RELN: variants seen among roughly 807,000 people sequenced by gnomAD.
The protein encoded by RELN is reelin.
RELN carries 108 observed loss-of-function variants against 427.6 expected under a neutral mutation model. The ratio of observed to expected loss-of-function variants is 0.25; its 90% CI spans 0.22 to 0.30. The LOEUF (loss-of-function observed/expected upper bound fraction) is 0.30. RELN is among the 10% of genes least tolerant of loss of function. The pLI is 1.00. For synonymous variants in RELN, 1,524 were observed against 1,513.4 expected, an observed-to-expected ratio of 1.01 and a Z score of -0.16; for missense variants, 3,715 against 4,302.8, an observed-to-expected ratio of 0.86 and a Z score of 3.82.
At chr7:103,978,821 T>C (rs4636135) in intron 1 of RELN, among the ~76,000 whole-genome samples, 106,641 of 152,042 alleles carry the variant, frequency 0.7, 37,947 homozygotes, top group African/African-American at 0.82. Flanking sequence ...ACCACTTACA[T>C]TTGAAATAAA....
chr7:103,872,683 G>A (rs909755058), intron 2 of RELN, among the ~76,000 whole-genome samples: 1 of 146,472 alleles, frequency 6.8e-6, no homozygotes, highest in African/African-American at 2.5e-5. Flanking sequence ...CCCACCAACA[G>A]TGTAAAAGTG....
chr7:103,730,044 A>G (rs1790314130), intron 6 of RELN, among the ~76,000 whole-genome samples: 1 of 152,102 alleles, frequency 6.6e-6, no homozygotes, highest in Admixed American at 6.6e-5. Context: ...TCCTTACTTT[A>G]GTGAGAGATG....
intron 29 of RELN, among the ~76,000 whole-genome samples, chr7:103,574,947 A>C (rs1055887901): frequency 6.6e-6 from 1 of 152,148 alleles, no homozygotes; most frequent in Non-Finnish European, 1.5e-5. Context: ...TTTGTAAAGT[A>C]CTCTTTTGGC....
intron 3 of RELN, among the ~76,000 whole-genome samples, chr7:103,832,448 C>G (rs1451909983): frequency 2.0e-5 from 3 of 151,944 alleles, no homozygotes; most frequent in African/African-American, 2.4e-5. Context: ...AACTGAAAAA[C>G]AATTCTTGCC....
chr7:103,807,709 T>G (rs1792634960), intron 3 of RELN, among the ~76,000 whole-genome samples: 1 of 152,138 alleles, frequency 6.6e-6, no homozygotes, highest in Non-Finnish European at 1.5e-5. Context: ...TGACAACATG[T>G]GGTGTTTAGT....
chr7:103,533,606 G>T (rs1333641581), intron 46 of RELN, among the ~76,000 whole-genome samples: 1 of 152,112 alleles, frequency 6.6e-6, no homozygotes, highest in Non-Finnish European at 1.5e-5. Context: ...AGCCTTGAGG[G>T]TAATATAATA....
chr7:103,907,342 G>A (rs1460960329), intron 2 of RELN, among the ~76,000 whole-genome samples: 1 of 137,260 alleles, frequency 7.3e-6, no homozygotes, highest in Non-Finnish European at 1.5e-5. Flanking sequence ...CTTGAACCCA[G>A]GAGGTGGAGG....
Position 103,569,794 on chromosome 7 carries a change from T to C in RELN, c.4588+2390A>G, listed in dbSNP as rs182912492. ...TCTCATATCACTTGCTGAACCTCAT[T>C]AGCCATGTCATCTAACACACTGTAC... On this transcript the variant is annotated intron_variant, in intron 31 of 64. Coordinates refer to ENST00000428762, the MANE Select transcript of RELN (RefSeq NM_005045.4). This position sits in a 1 kb window ranked among gnomAD's most constrained non-coding sequence, Gnocchi z 4.0. Among the ~76,000 whole-genome samples the C allele has an allele frequency of 1.3e-4, 20 of 152,306 alleles. No homozygotes were observed. Among genetic ancestry groups the C allele is most frequent in the Admixed American group, 1.3e-3 (20 of 15,304 alleles).
intron 47 of RELN, 94 bp downstream of exon 47, chr7:103,523,297 C>A: frequency 7.2e-7 from 1 of 1,386,808 alleles, no homozygotes; most frequent in South Asian, 1.2e-5. Flanking sequence ...CTTAAGGAAG[C>A]ATGGGAGTGA....
Position 103,784,271 on chromosome 7 carries a change from T to C in RELN, c.474-7644A>G, listed in dbSNP as rs180863385. Among the ~76,000 whole-genome samples, 4 of 152,302 alleles carry C rather than the reference T, an allele frequency of 2.6e-5. No homozygotes were observed. The East Asian group carries it at 7.7e-4, about 29-fold the overall frequency. ...CCCAACTCACATTTAGGATTAACTT[T>C]AATTTCCAGGAATATGTAATTTATT... On this transcript the variant is annotated intron_variant, in intron 3 of 64. Transcript: ENST00000428762.
At chr7:103,593,624 C>T (rs879332635) in intron 27 of RELN, 58 bp downstream of exon 27, 2 of 1,409,988 alleles carry the variant, frequency 1.4e-6, no homozygotes, top group Non-Finnish European at 2.0e-6. Context: ...TCCACTTATA[C>T]ATCTGGAAGA....
rs777222017 is a variant in RELN at position 103,604,456 on chromosome 7, G to A, written c.3036C>T (p.Ser1012=). 1.2e-6 allele frequency: 2 copies of A among 1,613,924 alleles called. No homozygotes were observed. Among genetic ancestry groups the A allele is most frequent in the Non-Finnish European group, 8.5e-7 (1 of 1,179,868 alleles). Residue 1012 remains serine (S), a synonymous_variant, in exon 23 of 65, where the codon AGC becomes AGT. Transcript: ENST00000428762. ...CGTCTTGAGCTGTGTAATAGCTCTG[G>A]CTCCAGCGGAAACGGGTAGCACTGG... ...TWSSATRFRW[S]QSYYTAQDEW...
At chr7:103,971,319 A>G (rs1194539024) in intron 1 of RELN, among the ~76,000 whole-genome samples, 4 of 152,122 alleles carry the variant, frequency 2.6e-5, no homozygotes, top group African/African-American at 7.2e-5. Flanking sequence ...ACAAAGGACA[A>G]ACTGGGGGTT....
At chr7:103,498,745 GCCT>G (rs1828922797) in intron 53 of RELN, among the ~76,000 whole-genome samples, 1 of 151,940 alleles carries the variant, frequency 6.6e-6, no homozygotes, top group Admixed American at 6.6e-5. Context: ...GCCCACCTCC[GCCT>G]CCCAGAGTGC....
chr7:103,917,020 A>C (rs1193024239), intron 2 of RELN, 55 bp downstream of exon 2: 18 of 1,212,238 alleles, frequency 1.5e-5, no homozygotes, highest in Admixed American at 3.4e-5. Context: ...TTAAAACATA[A>C]GACCTATGAC....
At chr7:103,920,543 A>G (rs2116680703) in intron 1 of RELN, among the ~76,000 whole-genome samples, 1 of 150,428 alleles carries the variant, frequency 6.6e-6, no homozygotes, top group Middle Eastern at 3.4e-3. Context: ...GTGGGTATAC[A>G]CATGTTTGTT....
chr7:103,912,463 C>T (rs1447645658), intron 2 of RELN, among the ~76,000 whole-genome samples: 2 of 152,054 alleles, frequency 1.3e-5, no homozygotes, highest in East Asian at 1.9e-4. Context: ...GGATTACAGG[C>T]GTGACCCACT....
intron 38 of RELN, 126 bp downstream of exon 38, chr7:103,556,851 T>C (rs1188401473): frequency 3.6e-6 from 3 of 823,284 alleles, no homozygotes; most frequent in East Asian, 2.4e-5. Context: ...AAGTGAAGCA[T>C]GTAAAATGTG....
chr7:103,518,686 CT>C (rs1019649809), intron 49 of RELN, among the ~76,000 whole-genome samples: 9 of 151,858 alleles, frequency 5.9e-5, no homozygotes, highest in Non-Finnish European at 1.3e-4. Flanking sequence ...CAGCCTCCCC[CT>C]GGACCCTGCC....
Sources: allele counts gnomAD v4.1 joint callset (sites outside exome capture counted in the v4.1 genomes callset), GRCh38; gene constraint gnomAD v4.1.1; non-coding constraint Gnocchi (gnomAD v3.1); transcripts MANE v1.5; gene names NCBI Gene and HGNC (gene_info 2026-07-23, HGNC 2026-07-21).